Variants in ZNF541 observed in about 807,000 individuals in gnomAD.
ZNF541 encodes the protein zinc finger protein 541.
In ZNF541, 23 loss-of-function variants were observed where a neutral mutation model predicts 123.5. The ratio of observed to expected loss-of-function variants is 0.19; its 90% CI spans 0.13 to 0.26. The LOEUF is 0.26. Among genes scored for constraint, ZNF541 ranks in the 10% least tolerant of loss-of-function variants. The probability of loss-of-function intolerance (pLI) is 1.00; values close to 1 mark genes in which losing one functional copy is unlikely to be tolerated. For missense variants in ZNF541, 1,612 were observed against 1,789.9 expected, an observed-to-expected ratio of 0.90 and a Z score of 1.79; for synonymous variants, 751 against 754.5, an observed-to-expected ratio of 1.00 and a Z score of 0.08.
At position 47,532,897 on chromosome 19, in the gene ZNF541, G is replaced by A. The variant is rs752741205; in HGVS notation, c.3158+12C>T. 22 of 1,549,374 alleles carry A rather than the reference G, an allele frequency of 1.4e-5. No individual in the cohort carries two copies. Among genetic ancestry groups the A allele is most frequent in the Middle Eastern group, 1.7e-4 (1 of 5,998 alleles). On this transcript the variant is annotated intron_variant, in intron 10 of 16. Transcript: ENST00000391901. ...GGGTAAAAGCAGCTTCACTGGAAAG[G>A]ACCCAACTTACGGCTCAATGCTGAT... is the stretch of plus-strand genomic sequence containing the variant.
intron 12 of ZNF541, among the ~76,000 whole-genome samples, chr19:47,530,639 A>G (rs1187151302): frequency 6.6e-6 from 1 of 151,486 alleles, no homozygotes; most frequent in Non-Finnish European, 1.5e-5. Flanking sequence ...AGTATTAAGA[A>G]TTTCTTTTCT....
chr19:47,533,872 G>T (rs899811041), intron 9 of ZNF541, among the ~76,000 whole-genome samples: 2 of 152,142 alleles, frequency 1.3e-5, no homozygotes, highest in African/African-American at 4.8e-5. Context: ...CTGAATATTG[G>T]TAAGAACAAG....
intron 14 of ZNF541, among the ~76,000 whole-genome samples, chr19:47,522,455 C>G (rs1301508089): frequency 6.6e-6 from 1 of 152,132 alleles, no homozygotes; most frequent in Non-Finnish European, 1.5e-5. Context: ...ATTATTTTCC[C>G]GTTCCTCCAC....
Position 47,549,496 on chromosome 19 carries a change from G to A in ZNF541, c.308-11C>T, listed in dbSNP as rs1460903879. 4 of 1,551,558 alleles carry A rather than the reference G, an allele frequency of 2.6e-6. No individual in the cohort carries two copies. Among genetic ancestry groups the A allele is most frequent in the South Asian group, 1.2e-5 (1 of 84,064 alleles). On this transcript the variant is annotated splice_polypyrimidine_tract_variant and intron_variant, in intron 3 of 16. Coordinates refer to ENST00000391901, the MANE Select transcript of ZNF541 (RefSeq NM_001277075.3). ...CACCTAGCCCCAGGTCTAAACAGAG[G>A]GAGAAAGCACAGGTTATACACAGCC...
intron 2 of ZNF541, among the ~76,000 whole-genome samples, chr19:47,558,953 C>T (rs1171675407): frequency 2.6e-5 from 4 of 151,680 alleles, no homozygotes; most frequent in South Asian, 2.1e-4. Flanking sequence ...ACCATCTTGG[C>T]GAGGCTGGTC....
chr19:47,565,929 C>A (rs1971243970), intron 2 of ZNF541, among the ~76,000 whole-genome samples: 1 of 152,166 alleles, frequency 6.6e-6, no homozygotes, highest in Non-Finnish European at 1.5e-5. Context: ...GTAATCCCAG[C>A]ATTTTGGGAA....
intron 5 of ZNF541, among the ~76,000 whole-genome samples, chr19:47,541,896 C>T (rs1306798601): frequency 2.0e-5 from 3 of 152,176 alleles, no homozygotes; most frequent in Admixed American, 2.0e-4. Flanking sequence ...ACTCCTAGAA[C>T]ATAAATCCCC....
At chr19:47,555,180 T>A (rs1213843210) in intron 3 of ZNF541, among the ~76,000 whole-genome samples, 1 of 148,554 alleles carries the variant, frequency 6.7e-6, no homozygotes, top group Non-Finnish European at 1.5e-5. Flanking sequence ...CCATCCTGGC[T>A]AATGCAGTGA....
rs888939402 is a variant in ZNF541, at chr19:47,544,972, G to A, written c.1557C>T (p.Pro519=). The change falls in exon 5 of 17, where the codon CCC becomes CCT. Residue 519 remains proline, a synonymous_variant. Coordinates refer to ENST00000391901, the MANE Select transcript of ZNF541 (RefSeq NM_001277075.3). Reference sequence around the variant, plus strand: ...CTGCCTTCTGGGCCTCCTGGAGGCCGGGCTCCCCGGGGTTCTGGCACAGGA... The same window carrying A: ...CTGCCTTCTGGGCCTCCTGGAGGCCAGGCTCCCCGGGGTTCTGGCACAGGA... The part of the protein sequence containing the change: ...DSFLCQNPGE[P]GLQEAQKAGG... 5.9e-6 allele frequency: 9 copies of A among 1,532,530 alleles called. No individual in the cohort carries two copies. Among genetic ancestry groups the A allele is most frequent in the Non-Finnish European group, 7.0e-6 (8 of 1,145,392 alleles). The allele number at this position is 1,532,530 out of a possible 1,614,324, so 94.9% of individuals were successfully genotyped here.
Position 47,521,589 on chromosome 19 carries a change from ATAACTCTT to A in ZNF541, c.3769_3776del (p.Lys1257Ter). ...TGGAGCTGAGGATGGACTCCCTCCT[ATAACTCTT>A]GGTCTTTAACTTGGGAGTTGGATGG... On this transcript the variant is annotated frameshift_variant, in exon 16 of 17. Coordinates refer to ENST00000391901, the MANE Select transcript of ZNF541 (RefSeq NM_001277075.3). LOFTEE classifies it high-confidence loss of function. This position sits in a 1 kb window ranked among gnomAD's most constrained non-coding sequence, Gnocchi z 4.2. 1.3e-6 allele frequency: 2 copies of A among 1,551,696 alleles called. No homozygotes were observed. Among genetic ancestry groups the A allele is most frequent in the South Asian group, 2.4e-5 (2 of 84,062 alleles).
chr19:47,569,950 A>G (rs148990269), intron 2 of ZNF541, among the ~76,000 whole-genome samples: 3 of 152,192 alleles, frequency 2.0e-5, no homozygotes, highest in Non-Finnish European at 4.4e-5. Flanking sequence ...ATAGTTATGT[A>G]ACCAATAACT....
chr19:47,541,045 A>T (rs1435042785), intron 5 of ZNF541, 94 bp from the exon 6 acceptor site: 6 of 1,194,418 alleles, frequency 5.0e-6, no homozygotes, highest in Non-Finnish European at 7.1e-6. Context: ...ATCAGAGTAA[A>T]TCTTCATGAC....
At chr19:47,529,508 G>C in intron 13 of ZNF541, 69 bp downstream of exon 13, 2 of 1,483,478 alleles carry the variant, frequency 1.3e-6, no homozygotes, top group Non-Finnish European at 1.8e-6. Flanking sequence ...GGCAGAGCTT[G>C]CAACAGAGCT....
chr19:47,525,276 A>T (rs1239780812), intron 14 of ZNF541, among the ~76,000 whole-genome samples: 5 of 148,964 alleles, frequency 3.4e-5, no homozygotes, highest in Non-Finnish European at 6.0e-5. Context: ...CGAGAGTGAA[A>T]CTCTGTCTCC....
At chr19:47,525,474 T>C (rs1413300436) in intron 14 of ZNF541, among the ~76,000 whole-genome samples, 3 of 152,206 alleles carry the variant, frequency 2.0e-5, no homozygotes, top group Non-Finnish European at 4.4e-5. Context: ...AAAAACAGTA[T>C]GGTATTACAT....
chr19:47,548,047 A>G (rs1349620427), intron 4 of ZNF541, among the ~76,000 whole-genome samples: 2 of 151,676 alleles, frequency 1.3e-5, no homozygotes, highest in African/African-American at 2.4e-5. Context: ...CAAAAAAAAA[A>G]AAAAAGGAAA....
intron 10 of ZNF541, 143 bp downstream of exon 10, chr19:47,532,766 T>G: frequency 1.7e-6 from 1 of 571,910 alleles, no homozygotes; most frequent in East Asian, 3.2e-5. Context: ...CTACATATAT[T>G]TGGAAAAATC....
At chr19:47,525,823 G>A (rs543376489) in intron 14 of ZNF541, among the ~76,000 whole-genome samples, 3 of 150,928 alleles carry the variant, frequency 2.0e-5, no homozygotes, top group Non-Finnish European at 4.4e-5. Flanking sequence ...GGCTGAGGCA[G>A]GAGAATGGCA....
chr19:47,547,572 C>G (rs1970407748), intron 4 of ZNF541, among the ~76,000 whole-genome samples: 1 of 152,106 alleles, frequency 6.6e-6, no homozygotes, highest in South Asian at 2.1e-4. Context: ...AGTTCTACCC[C>G]CAGCTATTAC....
Sources: gnomAD v4.1 joint callset for allele counts (sites outside exome capture counted in the v4.1 genomes callset) on GRCh38, gnomAD v4.1.1 for gene constraint, Gnocchi (gnomAD v3.1) non-coding constraint, MANE v1.5 for transcripts, NCBI Gene and HGNC (gene_info 2026-07-23, HGNC 2026-07-21) for gene names.